TRPM7: variants seen among roughly 807,000 people sequenced by gnomAD.
The protein encoded by TRPM7 is transient receptor potential cation channel subfamily M member 7.
Under a neutral mutation model 229.7 loss-of-function variants are expected in TRPM7, and 134 were observed. The ratio of observed to expected loss-of-function variants is 0.58; its 90% CI spans 0.51 to 0.67. The LOEUF is 0.67. Among genes scored for constraint, TRPM7 ranks in the 30% least tolerant of loss-of-function variants. TRPM7 has a pLI of 0.00. For synonymous variants in TRPM7, 699 were observed against 715.2 expected (o/e 0.98, Z 0.36); for missense variants, 1,901 against 2,210.0 (o/e 0.86, Z 2.80).
At chr15:50,677,563 A>G (rs1324974348) in intron 1 of TRPM7, among the ~76,000 whole-genome samples, 1 of 151,442 alleles carries the variant, frequency 6.6e-6, no homozygotes, top group African/African-American at 2.4e-5. Flanking sequence ...ACATGGTGAA[A>G]CCCCATCCCT....
At chr15:50,629,193 C>T (rs1346575138) in intron 10 of TRPM7, among the ~76,000 whole-genome samples, 2 of 135,166 alleles carry the variant, frequency 1.5e-5, no homozygotes, top group African/African-American at 3.0e-5. Flanking sequence ...CTCCAAAATA[C>T]TTCAGATTGC....
chr15:50,583,891 C>G (rs997363401), intron 28 of TRPM7, among the ~76,000 whole-genome samples: 3 of 152,100 alleles, frequency 2.0e-5, no homozygotes, highest in Non-Finnish European at 4.4e-5. Context: ...AGATTTTCTA[C>G]AGAACAGAGA....
chr15:50,685,543 A>G (rs993856115), intron 1 of TRPM7, among the ~76,000 whole-genome samples: 4 of 152,250 alleles, frequency 2.6e-5, no homozygotes, highest in African/African-American at 9.6e-5. Context: ...TGTTATAAGT[A>G]AAACTCTTAT....
At chr15:50,585,207 GC>G (rs2054638100) in intron 28 of TRPM7, among the ~76,000 whole-genome samples, 1 of 151,926 alleles carries the variant, frequency 6.6e-6, no homozygotes, top group Admixed American at 6.6e-5. Flanking sequence ...GACTACAGGC[GC>G]CCGCCACCGC....
At chr15:50,645,371 T>C (rs1596295314) in intron 4 of TRPM7, among the ~76,000 whole-genome samples, 1 of 151,054 alleles carries the variant, frequency 6.6e-6, no homozygotes, top group East Asian at 1.9e-4. Context: ...GATTTGTTCT[T>C]TTTTTTTTGA....
At chr15:50,604,562 C>T (rs982102668) in intron 21 of TRPM7, 5 of 164,160 alleles carry the variant, frequency 3.0e-5, no homozygotes, top group African/African-American at 1.0e-4. Context: ...CAGAGCGAAA[C>T]TCTGTCTCAA....
intron 7 of TRPM7, 37 bp from the exon 8 acceptor site, chr15:50,634,593 T>C: frequency 7.5e-7 from 1 of 1,329,820 alleles, no homozygotes; most frequent in Non-Finnish European, 9.7e-7. Context: ...AATTATTTCA[T>C]CCCAAGCAAG....
At chr15:50,580,363 T>A (rs138000322) in intron 30 of TRPM7, among the ~76,000 whole-genome samples, 3 of 152,340 alleles carry the variant, frequency 2.0e-5, no homozygotes, top group East Asian at 3.9e-4. Context: ...CCTGTCAGAT[T>A]GCCTATAGTT....
At chr15:50,685,946 A>G (rs2062350637) in intron 1 of TRPM7, among the ~76,000 whole-genome samples, 1 of 152,172 alleles carries the variant, frequency 6.6e-6, no homozygotes, top group South Asian at 2.1e-4. Flanking sequence ...AAGAAAAAAG[A>G]TCTACCATCA....
chr15:50,674,619 AT>A (rs766266172), intron 1 of TRPM7, among the ~76,000 whole-genome samples: 2 of 152,176 alleles, frequency 1.3e-5, no homozygotes, highest in Non-Finnish European at 2.9e-5. Context: ...CTCTATTTAC[AT>A]TTACCAGTAA....
intron 21 of TRPM7, 26 bp downstream of exon 21, chr15:50,604,840 G>A: frequency 1.3e-6 from 2 of 1,528,760 alleles, no homozygotes; most frequent in Non-Finnish European, 8.8e-7. Context: ...AAACCCACGA[G>A]TATTATCAAA....
At chr15:50,624,130 A>T in intron 12 of TRPM7, 36 bp downstream of exon 12, 1 of 1,572,764 alleles carries the variant, frequency 6.4e-7, no homozygotes, top group Non-Finnish European at 8.6e-7. Context: ...CCAAAAGATA[A>T]AATGTAGTCA....
chr15:50,565,824 TTTTG>T (rs2053573018), intron 38 of TRPM7, among the ~76,000 whole-genome samples: 1 of 118,898 alleles, frequency 8.4e-6, no homozygotes, highest in African/African-American at 2.9e-5. Context: ...CATAAACTCT[TTTTG>T]TTTTTTTTTT....
chr15:50,592,597 TC>T lies in TRPM7; in HGVS notation c.3637del (p.Glu1213LysfsTer9). ...TATGTAGTTGACACGATCTCCAACT[TC>T]TTTAATCTGAATGCACATCTGTTCC... is the stretch of plus-strand genomic sequence containing the variant. ...RVEQMCIQIK[E>X]VGDRVNYIKR... On this transcript the variant is annotated frameshift_variant, in exon 26 of 39. Coordinates refer to ENST00000646667, the MANE Select transcript of TRPM7 (RefSeq NM_017672.6). LOFTEE classifies it high-confidence loss of function. 1 of 1,601,798 alleles carries T rather than the reference TC, an allele frequency of 6.2e-7. No homozygotes were observed. The highest frequency in any genetic ancestry group is 8.5e-7 in the Non-Finnish European group (1 of 1,177,616).
Position 50,631,476 on chromosome 15 carries a change from T to A in TRPM7, c.1145A>T (p.His382Leu), listed in dbSNP as rs750428899. Reference protein sequence around the residue: ...MKRKELITVFHIGSDEHQDID... With the variant: ...MKRKELITVFLIGSDEHQDID... ...ATCTTGATGTTCATCTGACCCAATA[T>A]GGAAAACAGTGATCTATTTAAAGAT... Residue 382 changes from histidine to leucine, a missense_variant, in exon 10 of 39, where the codon CAT becomes CTT. By Grantham distance (99) the His-to-Leu change is moderately conservative. Around this residue, in one of 8 missense-constraint regions of TRPM7, gnomAD observed 794 missense variants for 881.9 expected, o/e 0.90. Transcript: ENST00000646667. 2.5e-6 allele frequency: 4 copies of A among 1,599,058 alleles called. No homozygotes were observed. The Admixed American group carries it at 6.7e-5, about 27-fold the overall frequency.
At chr15:50,635,291 C>T (rs541051248) in intron 7 of TRPM7, among the ~76,000 whole-genome samples, 1 of 133,224 alleles carries the variant, frequency 7.5e-6, no homozygotes, top group East Asian at 2.4e-4. Flanking sequence ...GCACTCCAGC[C>T]TGGTGACAGA....
Position 50,559,049 on chromosome 15 carries a change from C to T in TRPM7, c.*2629G>A, listed in dbSNP as rs2141403185. ...CTGGAACTACAGGTGCACACCATCA[C>T]ATCCAGTTATTTTTTTTTTTTTGAC... On this transcript the variant is annotated 3_prime_UTR_variant, in exon 39 of 39. Transcript: ENST00000646667. 1 of 144,380 alleles carries T rather than the reference C, an allele frequency of 6.9e-6. No individual in the cohort carries two copies. The highest frequency in any genetic ancestry group is 2.1e-4 in the East Asian group (1 of 4,746). The allele number at this position is 144,380 out of a possible 1,614,324, so 8.9% of individuals were successfully genotyped here.
intron 9 of TRPM7, 126 bp downstream of exon 9, chr15:50,632,743 G>C (rs2060775773): frequency 2.2e-6 from 2 of 898,268 alleles, no homozygotes. Context: ...ATATTTTTAT[G>C]GTTAATAAAG....
chr15:50,565,487 A>G (rs1304502058), intron 38 of TRPM7, among the ~76,000 whole-genome samples: 1 of 152,162 alleles, frequency 6.6e-6, no homozygotes, highest in African/African-American at 2.4e-5. Flanking sequence ...AAAATAAGGA[A>G]AATTACCATG....
Sources: allele counts gnomAD v4.1 joint callset (sites outside exome capture counted in the v4.1 genomes callset), GRCh38; gene constraint gnomAD v4.1.1; regional missense constraint gnomAD v4.1.1; transcripts MANE v1.5; gene names NCBI Gene and HGNC (gene_info 2026-07-23, HGNC 2026-07-21).